ZNF12: variants seen among roughly 807,000 people sequenced by gnomAD.
ZNF12 encodes gonadotropin inducible transcription repressor 3.
In ZNF12, 34 loss-of-function variants were observed where a neutral mutation model predicts 66.6. That is an observed-to-expected ratio of 0.51 (90% CI 0.39 to 0.68). The LOEUF (loss-of-function observed/expected upper bound fraction) is 0.68, where lower values mean the gene tolerates loss of function less well. Ranked by LOEUF, ZNF12 falls within the 30% of genes least tolerant of loss-of-function variation. ZNF12 has a pLI of 0.00. For missense variants in ZNF12, 697 were observed against 826.9 expected (o/e 0.84, Z 1.93); for synonymous variants, 320 against 278.9 (o/e 1.15, Z -1.47).
Position 6,688,497 on chromosome 7 carries a change from G to A in ZNF12, c.*2351C>T, listed in dbSNP as rs189832540. The A allele has an allele frequency of 1.2e-4, 19 of 152,298 alleles. No individual in the cohort carries two copies. The East Asian group carries it at 3.7e-3, about 29-fold the overall frequency. The allele number at this position is 152,298 out of a possible 1,614,324, so 9.4% of individuals were successfully genotyped here. Reference sequence around the variant, plus strand: ...ACAATTAATGTATAATGACACACCAGTGTGAGAAACCTCCATAGGTATCAT... The same window carrying A: ...ACAATTAATGTATAATGACACACCAATGTGAGAAACCTCCATAGGTATCAT... On this transcript the variant is annotated 3_prime_UTR_variant, in exon 5 of 5. Transcript: ENST00000405858. This position sits in a 1 kb window ranked among gnomAD's most constrained non-coding sequence, Gnocchi z 4.3.
chr7:6,706,579 G>T lies in ZNF12; in HGVS notation c.-198C>A, dbSNP rs540993340. The T allele has an allele frequency of 8.2e-4, 379 of 461,084 alleles. 1 individual carries two copies. Among genetic ancestry groups the T allele is most frequent in the Non-Finnish European group, 1.2e-3 (273 of 230,840 alleles). 28.6% of individuals were successfully genotyped at this position (461,084 alleles called of 1,614,324 possible). On this transcript the variant is annotated 5_prime_UTR_variant, in exon 1 of 5. Coordinates refer to ENST00000405858, the MANE Select transcript of ZNF12 (RefSeq NM_016265.4). Reference sequence around the variant, plus strand: ...CAGAGGGGCCCGGGCCGGGCCTACGGGACAAATCCAGGCGGGGCGTCCCTC... The same window carrying T: ...CAGAGGGGCCCGGGCCGGGCCTACGTGACAAATCCAGGCGGGGCGTCCCTC...
Position 6,696,474 on chromosome 7 carries a change from A to T in ZNF12, c.238+865T>A, listed in dbSNP as rs57392616. Reference sequence around the variant, plus strand: ...AATACCAGACTAGAGCCCAGGCTCAATGGTGGTAGAGATGTCATCCTGGGT... The same window carrying T: ...AATACCAGACTAGAGCCCAGGCTCATTGGTGGTAGAGATGTCATCCTGGGT... On this transcript the variant is annotated intron_variant, in intron 4 of 4. Coordinates refer to ENST00000405858, the MANE Select transcript of ZNF12 (RefSeq NM_016265.4). This position sits in a 1 kb window ranked among gnomAD's most constrained non-coding sequence, Gnocchi z 4.0. 0.13 allele frequency among the ~76,000 whole-genome samples: 19,946 copies of T among 152,230 alleles called. 1,949 individuals carry two copies. Among genetic ancestry groups the T allele is most frequent in the African/African-American group, 0.27 (11,267 of 41,498 alleles).
At chr7:6,695,361 G>T (rs953143467) in intron 4 of ZNF12, among the ~76,000 whole-genome samples, 1 of 152,144 alleles carries the variant, frequency 6.6e-6, no homozygotes, top group Non-Finnish European at 1.5e-5. Context: ...AATATATGGG[G>T]ATGTGACCCA....
chr7:6,694,173 AAAAAC>A (rs986865264), intron 4 of ZNF12, among the ~76,000 whole-genome samples: 1 of 151,900 alleles, frequency 6.6e-6, no homozygotes, highest in Non-Finnish European at 1.5e-5. Flanking sequence ...TCTCAAAAAA[AAAAAC>A]AAAACAAACA....
Position 6,691,537 on chromosome 7 carries a change from C to T in ZNF12, c.1405G>A (p.Glu469Lys), listed in dbSNP as rs2115346672. ...HSGEKPYECN[E>K]CGKTFYLNSA... ...TTCAGGTAGAAGGTTTTTCCACATT[C>T]ATTACATTCATAGGGTTTCTCTCCT... Residue 469 changes from glutamate to lysine, a missense_variant, in exon 5 of 5, where the codon GAA becomes AAA. Physicochemically the swap from Glu to Lys is moderately conservative, Grantham distance 56. Around this residue, in one of 3 missense-constraint regions of ZNF12, gnomAD observed 401 missense variants for 519.0 expected, o/e 0.77. Coordinates refer to ENST00000405858, the MANE Select transcript of ZNF12 (RefSeq NM_016265.4). The T allele has an allele frequency of 6.2e-7, 1 of 1,614,136 alleles. No homozygotes were observed. The highest frequency in any genetic ancestry group is 2.2e-5 in the East Asian group (1 of 44,878).
intron 4 of ZNF12, among the ~76,000 whole-genome samples, chr7:6,694,966 C>T (rs1450788872): frequency 6.6e-6 from 1 of 152,204 alleles, no homozygotes; most frequent in Admixed American, 6.5e-5. Context: ...CTCTGTCACC[C>T]AGGCTGGAGT....
Position 6,697,250 on chromosome 7 carries a change from A to G in ZNF12, c.238+89T>C. The G allele has an allele frequency of 1.1e-6, 1 of 931,010 alleles. No homozygotes were observed. The highest frequency in any genetic ancestry group is 1.6e-6 in the Non-Finnish European group (1 of 616,362). 57.7% of individuals were successfully genotyped at this position (931,010 alleles called of 1,614,324 possible). On this transcript the variant is annotated intron_variant, in intron 4 of 4. Transcript: ENST00000405858. The surrounding 1 kb of genome is among the most constrained non-coding windows in gnomAD (Gnocchi z 6.1). ...ATAGAGCATATAAGCAACTATTTCT[A>G]GTCACTTCTAAAGGTTCGGGACCAT...
Position 6,690,880 on chromosome 7 carries a change from T to C in ZNF12, c.2062A>G (p.Met688Val). ...AGCCTTCCCACATCTATTACATTCA[T>C]ATTGCCTCTCCTATGAATTCTCTGA... ...SHQRIHRRGN[M>V]NVIDVGRLL The change falls in exon 5 of 5, where the codon ATG (methionine) becomes GTG (valine). Residue 688 changes from methionine (M) to valine (V), a missense_variant. Coordinates refer to ENST00000405858, the MANE Select transcript of ZNF12 (RefSeq NM_016265.4). 2 of 1,613,570 alleles carry C rather than the reference T, an allele frequency of 1.2e-6. No individual in the cohort carries two copies. The highest frequency in any genetic ancestry group is 1.1e-5 in the South Asian group (1 of 91,000).
At position 6,691,035 on chromosome 7, in the gene ZNF12, T is replaced by C. The variant is rs1780058964; in HGVS notation, c.1907A>G (p.Asn636Ser). The change falls in exon 5 of 5, where the codon AAT becomes AGT. Residue 636 changes from asparagine (N) to serine (S), a missense_variant. Around this residue, in one of 3 missense-constraint regions of ZNF12, gnomAD observed 401 missense variants for 519.0 expected, o/e 0.77. Transcript: ENST00000405858. ...CCGAGAGAAGGCTTTTCCACACTCA[T>C]TACATTCAAAGGGTTTCTCTCCTGA... ...IHSGEKPFECNECGKAFSRMS... is the reference protein window; with the variant it reads ...IHSGEKPFECSECGKAFSRMS... The C allele has an allele frequency of 1.9e-6, 3 of 1,614,000 alleles. No homozygotes were observed. Among genetic ancestry groups the C allele is most frequent in the African/African-American group, 2.7e-5 (2 of 74,912 alleles).
At position 6,692,324 on chromosome 7, in the gene ZNF12, A is replaced by G. The variant is rs1323385368; in HGVS notation, c.618T>C (p.Leu206=). The change falls in exon 5 of 5, where the codon CTT becomes CTC. Residue 206 remains leucine (L), a synonymous_variant. Coordinates refer to ENST00000405858, the MANE Select transcript of ZNF12 (RefSeq NM_016265.4). The surrounding 1 kb of genome is among the most constrained non-coding windows in gnomAD (Gnocchi z 5.1). The part of the protein sequence containing the change: ...GEPYTLNEES[L]YQKIRILEKP... ...TCTCCAAAATACGAATTTTCTGATAAAGACTTTCTTCATTTAGAGTATAAG... is the reference window on the plus strand; with the variant it reads ...TCTCCAAAATACGAATTTTCTGATAGAGACTTTCTTCATTTAGAGTATAAG... The G allele has an allele frequency of 1.2e-6, 2 of 1,609,780 alleles. No homozygotes were observed. Among genetic ancestry groups the G allele is most frequent in the Non-Finnish European group, 1.7e-6 (2 of 1,178,360 alleles).
At chr7:6,700,680 G>C (rs1406133866) in intron 2 of ZNF12, 1 of 152,100 alleles carries the variant, frequency 6.6e-6, no homozygotes, top group East Asian at 1.9e-4. Context: ...GTTCTCTGTA[G>C]GACAAAACCA....
At position 6,698,015 on chromosome 7, in the gene ZNF12, AAAC is replaced by A; in HGVS notation, c.16-207_16-205del. 1.3e-6 allele frequency: 1 copy of A among 776,320 alleles called. No individual in the cohort carries two copies. Among genetic ancestry groups the A allele is most frequent in the Non-Finnish European group, 2.3e-6 (1 of 434,406 alleles). The allele number at this position is 776,320 out of a possible 1,614,324, so 48.1% of individuals were successfully genotyped here. A position where few individuals can be genotyped will look rare whatever the true frequency, so the allele number is the denominator to read the frequency against. ...ATCAAACAAAAAACAAAAAACAAAAAAACAACACTGGGATTGCACGGTGAGCCA... is the reference window on the plus strand; with the variant it reads ...ATCAAACAAAAAACAAAAAACAAAAAAACACTGGGATTGCACGGTGAGCCA... On this transcript the variant is annotated intron_variant, in intron 2 of 4. Transcript: ENST00000405858. This position sits in a 1 kb window ranked among gnomAD's most constrained non-coding sequence, Gnocchi z 4.4.
At chr7:6,693,889 C>A (rs752369319) in intron 4 of ZNF12, among the ~76,000 whole-genome samples, 1 of 152,116 alleles carries the variant, frequency 6.6e-6, no homozygotes, top group Non-Finnish European at 1.5e-5. Context: ...GATCCCTGGC[C>A]GGGCGTGGTA....
rs758995778 is a variant in ZNF12, at chr7:6,692,349, G to C, written c.593C>G (p.Pro198Arg). Residue 198 changes from proline (P) to arginine (R), a missense_variant, in exon 5 of 5, where the codon CCT (proline) becomes CGT (arginine). Physicochemically the swap from Pro to Arg is moderately radical, Grantham distance 103 (BLOSUM62 -2). Coordinates refer to ENST00000405858, the MANE Select transcript of ZNF12 (RefSeq NM_016265.4). The surrounding 1 kb of genome is among the most constrained non-coding windows in gnomAD (Gnocchi z 5.1). ...QAYEFNQNGE[P>R]YTLNEESLYQ... Reference sequence around the variant, plus strand: ...AAGACTTTCTTCATTTAGAGTATAAGGTTCCCCATTTTGATTAAATTCATA... The same window carrying C: ...AAGACTTTCTTCATTTAGAGTATAACGTTCCCCATTTTGATTAAATTCATA... 3.7e-6 allele frequency: 6 copies of C among 1,609,960 alleles called. No homozygotes were observed. In the South Asian group the frequency reaches 5.5e-5, roughly 15 times the overall value.
rs1409490082 is a variant in ZNF12, at chr7:6,698,942, C to G, written c.16-1131G>C. ...TAAATGGACTAATCCACGAAAAGCA[C>G]TTAGCATAGTTTTTTGGATAAAACA... On this transcript the variant is annotated intron_variant, in intron 2 of 4. Transcript: ENST00000405858. This position sits in a 1 kb window ranked among gnomAD's most constrained non-coding sequence, Gnocchi z 4.4. Among the ~76,000 whole-genome samples the G allele has an allele frequency of 6.6e-6, 1 of 152,200 alleles. No homozygotes were observed. Among genetic ancestry groups the G allele is most frequent in the Non-Finnish European group, 1.5e-5 (1 of 68,040 alleles).
At position 6,692,410 on chromosome 7, in the gene ZNF12, T is replaced by C. The variant is rs769240834; in HGVS notation, c.532A>G (p.Ile178Val). Residue 178 changes from isoleucine (I) to valine (V), a missense_variant, in exon 5 of 5, where the codon ATT (isoleucine) becomes GTT (valine). This residue lies in a region of ZNF12 where 241 missense variants were observed against 224.0 expected (regional missense o/e 1.08). Transcript: ENST00000405858. This position sits in a 1 kb window ranked among gnomAD's most constrained non-coding sequence, Gnocchi z 5.1. Reference protein sequence around the residue: ...CSGCGKSLLHIKLEKTHPGDQ... With the variant: ...CSGCGKSLLHVKLEKTHPGDQ... ...CCTGGATGAGTTTTCTCAAGCTTAATATGGAGGAGTGATTTCCCACATCCA... is the reference window on the plus strand; with the variant it reads ...CCTGGATGAGTTTTCTCAAGCTTAACATGGAGGAGTGATTTCCCACATCCA... 1 of 1,613,342 alleles carries C rather than the reference T, an allele frequency of 6.2e-7. No individual in the cohort carries two copies. Among genetic ancestry groups the C allele is most frequent in the Non-Finnish European group, 8.5e-7 (1 of 1,179,590 alleles).
At position 6,705,723 on chromosome 7, in the gene ZNF12, C is replaced by A. The variant is rs28759303; in HGVS notation, c.-50-500G>T. Among the ~76,000 whole-genome samples the A allele has an allele frequency of 0.21, 31,695 of 148,318 alleles. 3,700 individuals carry two copies. The highest frequency in any genetic ancestry group is 0.26 in the African/African-American group (10,320 of 40,028). Reference sequence around the variant, plus strand: ...AACAAAGCGAAACTTGTCTCAAAAACAAACAAACAAACAAACAAAAAACAA... The same window carrying A: ...AACAAAGCGAAACTTGTCTCAAAAAAAAACAAACAAACAAACAAAAAACAA... On this transcript the variant is annotated intron_variant, in intron 1 of 4. Transcript: ENST00000405858. This position sits in a 1 kb window ranked among gnomAD's most constrained non-coding sequence, Gnocchi z 4.0.
At chr7:6,702,323 C>CACACACACACACACCCCG (rs1554294925) in intron 2 of ZNF12, among the ~76,000 whole-genome samples, 2 of 28,282 alleles carry the variant, frequency 7.1e-5, no homozygotes, top group African/African-American at 1.3e-4. Context: ...CACACACACA[C>CACACACACACACACCCCG]ACCAGATTCG....
Position 6,705,087 on chromosome 7 carries a change from G to T in ZNF12, c.15+72C>A. On this transcript the variant is annotated intron_variant, in intron 2 of 4. Transcript: ENST00000405858. This position sits in a 1 kb window ranked among gnomAD's most constrained non-coding sequence, Gnocchi z 4.0. ...TTTCTACTTTCCCATTTTAAACTTTGAACCCTTAATCTCCTCCTAAGGTGT... is the reference window on the plus strand; with the variant it reads ...TTTCTACTTTCCCATTTTAAACTTTTAACCCTTAATCTCCTCCTAAGGTGT... The T allele has an allele frequency of 6.5e-7, 1 of 1,540,238 alleles. No homozygotes were observed. Among genetic ancestry groups the T allele is most frequent in the Non-Finnish European group, 8.8e-7 (1 of 1,135,228 alleles).
Sources: gnomAD v4.1 joint callset for allele counts (sites outside exome capture counted in the v4.1 genomes callset) on GRCh38, gnomAD v4.1.1 for gene constraint, gnomAD v4.1.1 regional missense constraint, Gnocchi (gnomAD v3.1) non-coding constraint, MANE v1.5 for transcripts, NCBI Gene and HGNC (gene_info 2026-07-23, HGNC 2026-07-21) for gene names.